ZDHHC20: variants seen among roughly 807,000 people sequenced by gnomAD.
ZDHHC20 encodes palmitoyltransferase ZDHHC20.
A neutral mutation model predicts 57.8 loss-of-function variants in ZDHHC20; 43 were observed. The observed-to-expected ratio is 0.74, with a 90% CI of 0.58 to 0.96. ZDHHC20 has a LOEUF of 0.96. Among genes scored for constraint, ZDHHC20 ranks in the 40% least tolerant of loss-of-function variants. The pLI is 0.00. For synonymous variants in ZDHHC20, 157 were observed against 153.0 expected (o/e 1.03, Z -0.19); for missense variants, 391 against 441.1 (o/e 0.89, Z 1.02).
intron 4 of ZDHHC20, among the ~76,000 whole-genome samples, chr13:21,412,238 G>A (rs1040924131): frequency 1.3e-4 from 20 of 152,222 alleles, no homozygotes; most frequent in Non-Finnish European, 2.2e-4. Context: ...GAATGTAGGT[G>A]AATGCCAGTA....
chr13:21,447,245 C>CA lies in ZDHHC20; in HGVS notation c.118+11808_118+11809insT, dbSNP rs1555265759. On this transcript the variant is annotated intron_variant, in intron 1 of 12. Coordinates refer to ENST00000400590, the MANE Select transcript of ZDHHC20 (RefSeq NM_001330059.2). Reference sequence around the variant, plus strand: ...CGTGGAGCCTCCGAGGCCGAGGACTCGTCCCAGTTTGGACAGATAGAAGAT... The same window carrying CA: ...CGTGGAGCCTCCGAGGCCGAGGACTCAGTCCCAGTTTGGACAGATAGAAGAT... Among the ~76,000 whole-genome samples, 641 of 148,290 alleles carry CA rather than the reference C, an allele frequency of 4.3e-3. 5 individuals are homozygous for CA. Among genetic ancestry groups the CA allele is most frequent in the African/African-American group, 0.015 (602 of 40,242 alleles).
Position 21,375,341 on chromosome 13 carries a change from TG to T in ZDHHC20, c.*1354del, listed in dbSNP as rs370471461. ...ACTCACTGGAAGCAATCAATTATTT[TG>T]GGGGGGGTGTGTGTGTGTGTGTGTC... On this transcript the variant is annotated 3_prime_UTR_variant, in exon 13 of 13. Transcript: ENST00000400590. The T allele has an allele frequency of 6.9e-5, 25 of 364,528 alleles. No homozygotes were observed. Among genetic ancestry groups the T allele is most frequent in the Admixed American group, 2.1e-4 (6 of 28,038 alleles). 22.6% of individuals were successfully genotyped at this position (364,528 alleles called of 1,614,324 possible). A position where few individuals can be genotyped will look rare whatever the true frequency, so the allele number is the denominator to read the frequency against.
rs147891013 is a variant in ZDHHC20 at position 21,385,289 on chromosome 13, T to C, written c.854+2219A>G. Among the ~76,000 whole-genome samples the C allele has an allele frequency of 2.6e-5, 4 of 152,148 alleles. No homozygotes were observed. The East Asian group carries it at 5.8e-4, about 22-fold the overall frequency. ...ACTAAAAATATAAAACTTAGCCAGG[T>C]GTGGTGTTACGCACCGGTAATCCCA... On this transcript the variant is annotated intron_variant, in intron 9 of 12. Transcript: ENST00000400590.
At chr13:21,447,022 T>G (rs774008282) in intron 1 of ZDHHC20, among the ~76,000 whole-genome samples, 15 of 152,004 alleles carry the variant, frequency 9.9e-5, no homozygotes, top group African/African-American at 3.4e-4. Context: ...AGTAACAAAC[T>G]GGTATTAATT....
At chr13:21,442,528 G>T (rs866222427) in intron 1 of ZDHHC20, among the ~76,000 whole-genome samples, 1 of 152,332 alleles carries the variant, frequency 6.6e-6, no homozygotes, top group African/African-American at 2.4e-5. Context: ...GCCAAGGCGG[G>T]TGGATCACTT....
chr13:21,444,977 G>C (rs949756368), intron 1 of ZDHHC20, among the ~76,000 whole-genome samples: 1 of 152,080 alleles, frequency 6.6e-6, no homozygotes, highest in Non-Finnish European at 1.5e-5. Context: ...GATTGCTTGA[G>C]TCTGGGAGTT....
intron 8 of ZDHHC20, 71 bp from the exon 9 acceptor site, chr13:21,387,705 A>G: frequency 1.0e-6 from 1 of 981,896 alleles, no homozygotes; most frequent in Non-Finnish European, 1.3e-6. Flanking sequence ...GAAATTACCA[A>G]TTTTCTTGCT....
At chr13:21,440,587 G>T (rs1463106258) in intron 1 of ZDHHC20, among the ~76,000 whole-genome samples, 1 of 151,880 alleles carries the variant, frequency 6.6e-6, no homozygotes, top group African/African-American at 2.4e-5. Context: ...CTCCAGCCTG[G>T]GTGACAACAG....
chr13:21,419,251 G>A (rs1411278434), intron 3 of ZDHHC20, among the ~76,000 whole-genome samples: 5 of 152,142 alleles, frequency 3.3e-5, no homozygotes, highest in African/African-American at 1.2e-4. Flanking sequence ...TTGACTTATA[G>A]TTTACTTTAC....
chr13:21,400,566 G>A, intron 6 of ZDHHC20, 73 bp from the exon 7 acceptor site: 1 of 1,464,310 alleles, frequency 6.8e-7, no homozygotes. Flanking sequence ...AAGTAGGATG[G>A]AGGCTGCCAG....
chr13:21,419,182 T>C (rs1234031854), intron 3 of ZDHHC20, among the ~76,000 whole-genome samples: 1 of 152,252 alleles, frequency 6.6e-6, no homozygotes, highest in East Asian at 1.9e-4. Context: ...AACATAACTT[T>C]AAGGGTTGAC....
Position 21,387,640 on chromosome 13 carries a change from A to C in ZDHHC20, c.728-6T>G. 7.0e-7 allele frequency: 1 copy of C among 1,437,884 alleles called. No homozygotes were observed. The highest frequency in any genetic ancestry group is 1.6e-5 in the South Asian group (1 of 62,378). 89.1% of individuals were successfully genotyped at this position (1,437,884 alleles called of 1,614,324 possible). ...CGTGGGTGCGCGGAATGATTCTGTT[A>C]AATATACATACATATATAAACTAAT... On this transcript the variant is annotated splice_region_variant and splice_polypyrimidine_tract_variant and intron_variant, in intron 8 of 12. Transcript: ENST00000400590.
chr13:21,433,407 G>A (rs1882206215), intron 1 of ZDHHC20, among the ~76,000 whole-genome samples: 1 of 152,130 alleles, frequency 6.6e-6, no homozygotes, highest in South Asian at 2.1e-4. Context: ...CATGAGGTCA[G>A]GAGATCGAGA....
chr13:21,440,432 G>A (rs1883022140), intron 1 of ZDHHC20, among the ~76,000 whole-genome samples: 1 of 152,014 alleles, frequency 6.6e-6, no homozygotes, highest in Non-Finnish European at 1.5e-5. Context: ...CCAACATGGT[G>A]AAACCCTGTC....
In ZDHHC20 at chr13:21,401,681, T is replaced by G. The variant is rs761762288; in HGVS notation, c.445A>C (p.Ile149Leu). ...AHHCSACDSC[I>L]LKMDHHCPWV... Reference sequence around the variant, plus strand: ...GGACAGTGATGATCCATCTTAAGAATACATCTAGGAAACAAACAAGCATAA... The same window carrying G: ...GGACAGTGATGATCCATCTTAAGAAGACATCTAGGAAACAAACAAGCATAA... The change falls in exon 6 of 13, where the codon ATT (isoleucine) becomes CTT (leucine). Residue 149 changes from isoleucine (I) to leucine (L), a missense_variant. Ile to Leu is a conservative substitution (Grantham distance 5). Coordinates refer to ENST00000400590, the MANE Select transcript of ZDHHC20 (RefSeq NM_001330059.2). 6.6e-7 allele frequency: 1 copy of G among 1,522,134 alleles called. No individual in the cohort carries two copies. The allele number at this position is 1,522,134 out of a possible 1,614,324, so 94.3% of individuals were successfully genotyped here.
intron 7 of ZDHHC20, among the ~76,000 whole-genome samples, chr13:21,395,313 G>C (rs1876583973): frequency 6.6e-6 from 1 of 151,758 alleles, no homozygotes; most frequent in Non-Finnish European, 1.5e-5. Context: ...TGATCCACCT[G>C]CCTCGGCCTC....
chr13:21,428,281 C>A (rs981405204), intron 1 of ZDHHC20, among the ~76,000 whole-genome samples: 1 of 151,892 alleles, frequency 6.6e-6, no homozygotes, highest in East Asian at 2.0e-4. Flanking sequence ...AGTAAAGTGG[C>A]GTGATCTTGG....
intron 7 of ZDHHC20, among the ~76,000 whole-genome samples, chr13:21,392,948 A>T (rs1243066892): frequency 6.6e-6 from 1 of 152,196 alleles, no homozygotes; most frequent in Non-Finnish European, 1.5e-5. Context: ...CATGGTAATG[A>T]TGTATTTTAC....
chr13:21,390,940 T>C (rs1358696595), intron 8 of ZDHHC20, among the ~76,000 whole-genome samples: 2 of 151,942 alleles, frequency 1.3e-5, no homozygotes, highest in African/African-American at 4.8e-5. Flanking sequence ...AAATACATTG[T>C]TATGTTTTAG....
Sources: gnomAD v4.1 joint callset for allele counts (sites outside exome capture counted in the v4.1 genomes callset) on GRCh38, gnomAD v4.1.1 for gene constraint, MANE v1.5 for transcripts, NCBI Gene and HGNC (gene_info 2026-07-23, HGNC 2026-07-21) for gene names.